CSMD1: variants seen among roughly 807,000 people sequenced by gnomAD.
CSMD1 encodes the protein CUB and sushi domain-containing protein 1.
A neutral mutation model predicts 417.5 loss-of-function variants in CSMD1; 213 were observed. The ratio of observed to expected loss-of-function variants is 0.51; its 90% CI spans 0.46 to 0.57. CSMD1 has a LOEUF of 0.57. Ranked by LOEUF, CSMD1 falls within the 20% of genes least tolerant of loss-of-function variation. The probability of loss-of-function intolerance (pLI) is 0.00; values close to 1 mark genes in which losing one functional copy is unlikely to be tolerated. For missense variants in CSMD1, 6,923 were observed against 4,529.7 expected, an observed-to-expected ratio of 1.53 and a Z score of -15.17; for synonymous variants, 2,862 against 1,736.8, an observed-to-expected ratio of 1.65 and a Z score of -16.11.
chr8:4,288,136 A>G (rs1347063018), intron 3 of CSMD1, among the ~76,000 whole-genome samples: 6 of 152,146 alleles, frequency 3.9e-5, no homozygotes, highest in African/African-American at 1.4e-4. Flanking sequence ...CTGCAGCATT[A>G]AAGTTTGACT....
intron 54 of CSMD1, among the ~76,000 whole-genome samples, chr8:2,986,141 A>C (rs145995361): frequency 0.014 from 2,190 of 152,294 alleles, 19 homozygotes; most frequent in Non-Finnish European, 0.022. Context: ...GAAATACGTT[A>C]TAATTTATTG....
chr8:3,044,290 T>G (rs1204379325), intron 50 of CSMD1, among the ~76,000 whole-genome samples: 1 of 152,182 alleles, frequency 6.6e-6, no homozygotes, highest in African/African-American at 2.4e-5. Context: ...ATTTATTTAT[T>G]TTCTTGTTGC....
chr8:4,469,814 A>G lies in CSMD1; in HGVS notation c.303-49749T>C, dbSNP rs369363681. Reference sequence around the variant, plus strand: ...TGCTTACAGCCTTCTCACGGAGGGAACCCAAAGTCCTTAAAATGACTCGCA... The same window carrying G: ...TGCTTACAGCCTTCTCACGGAGGGAGCCCAAAGTCCTTAAAATGACTCGCA... On this transcript the variant is annotated intron_variant, in intron 2 of 69. Coordinates refer to ENST00000635120, the MANE Select transcript of CSMD1 (RefSeq NM_033225.6). Among the ~76,000 whole-genome samples the G allele has an allele frequency of 3.0e-4, 46 of 151,868 alleles. No homozygotes were observed. In the Middle Eastern group the frequency reaches 0.01, roughly 34 times the overall value.
chr8:4,185,246 T>G (rs1313093893), intron 3 of CSMD1, among the ~76,000 whole-genome samples: 1 of 151,988 alleles, frequency 6.6e-6, no homozygotes, highest in Non-Finnish European at 1.5e-5. Flanking sequence ...CTTTGAATCC[T>G]GGCCCTACCC....
At chr8:4,074,268 A>G (rs986657596) in intron 3 of CSMD1, among the ~76,000 whole-genome samples, 1 of 152,108 alleles carries the variant, frequency 6.6e-6, no homozygotes, top group Non-Finnish European at 1.5e-5. Flanking sequence ...TTTCATAAAG[A>G]AAGTCATGAA....
At chr8:3,458,177 T>C (rs781760450) in intron 12 of CSMD1, among the ~76,000 whole-genome samples, 1 of 152,128 alleles carries the variant, frequency 6.6e-6, no homozygotes, top group Non-Finnish European at 1.5e-5. Flanking sequence ...TGAGGATACA[T>C]GTTGGGAAGG....
chr8:3,259,487 G>C (rs1248413742), intron 26 of CSMD1, among the ~76,000 whole-genome samples: 1 of 152,176 alleles, frequency 6.6e-6, no homozygotes, highest in Admixed American at 6.5e-5. Flanking sequence ...CAAAAGAATT[G>C]AAATTTTCAG....
chr8:4,791,011 C>T (rs1472982762), intron 1 of CSMD1, among the ~76,000 whole-genome samples: 1 of 152,024 alleles, frequency 6.6e-6, no homozygotes, highest in African/African-American at 2.4e-5. Flanking sequence ...AAGTTCTGCA[C>T]TGCAAAATAA....
intron 6 of CSMD1, among the ~76,000 whole-genome samples, chr8:3,725,489 G>C (rs986437161): frequency 6.6e-6 from 1 of 152,142 alleles, no homozygotes; most frequent in African/African-American, 2.4e-5. Flanking sequence ...CTGATTTTGT[G>C]GGTGATATGA....
intron 5 of CSMD1, among the ~76,000 whole-genome samples, chr8:3,867,713 T>C (rs1805198965): frequency 6.6e-6 from 1 of 152,144 alleles, no homozygotes; most frequent in South Asian, 2.1e-4. Context: ...CATGCAGTTG[T>C]TAATAATAAT....
chr8:3,510,015 A>T (rs1478537693), intron 10 of CSMD1, among the ~76,000 whole-genome samples: 3 of 152,230 alleles, frequency 2.0e-5, no homozygotes, highest in Non-Finnish European at 4.4e-5. Context: ...TGACGTATAC[A>T]AGTCGCGTAT....
rs1448871237 is a variant in CSMD1, at chr8:3,565,776, C to T, written c.1344+9169G>A. Among the ~76,000 whole-genome samples the T allele has an allele frequency of 2.6e-5, 4 of 152,014 alleles. No homozygotes were observed. In the East Asian group the frequency reaches 7.7e-4, roughly 29 times the overall value. ...ACGTGTAGTGTAAAAACACAAATTG[C>T]TGTGACTAATTACATAACCCTGAGA... is the stretch of plus-strand genomic sequence containing the variant. On this transcript the variant is annotated intron_variant, in intron 10 of 69. Coordinates refer to ENST00000635120, the MANE Select transcript of CSMD1 (RefSeq NM_033225.6).
intron 5 of CSMD1, among the ~76,000 whole-genome samples, chr8:3,867,836 C>G (rs1157975630): frequency 6.6e-6 from 1 of 152,068 alleles, no homozygotes; most frequent in East Asian, 1.9e-4. Context: ...TCTAGGCCTC[C>G]ATTTCCAGGA....
chr8:3,403,573 A>G (rs1812169262), intron 15 of CSMD1, among the ~76,000 whole-genome samples: 1 of 152,118 alleles, frequency 6.6e-6, no homozygotes, highest in Non-Finnish European at 1.5e-5. Flanking sequence ...TGTGGTCCAC[A>G]CTCACCCTGC....
In CSMD1 at chr8:3,348,161, G is replaced by C. The variant is rs745324323; in HGVS notation, c.3305C>G (p.Ala1102Gly). The change falls in exon 22 of 70, where the codon GCC (alanine) becomes GGC (glycine). Residue 1102 changes from alanine to glycine, a missense_variant and splice_region_variant. Coordinates refer to ENST00000635120, the MANE Select transcript of CSMD1 (RefSeq NM_033225.6). ...TCCTTTGACACTTGCTCCACATTCG[G>C]CTACAATAAATAGGACATGAGAGAA... is the stretch of plus-strand genomic sequence containing the variant. ...VWSAPLPRCV[A>G]ECGASVKGNE... 1.9e-6 allele frequency: 3 copies of C among 1,610,364 alleles called. No individual in the cohort carries two copies. Among genetic ancestry groups the C allele is most frequent in the African/African-American group, 1.3e-5 (1 of 74,856 alleles).
intron 3 of CSMD1, among the ~76,000 whole-genome samples, chr8:4,329,631 C>G (rs1799757146): frequency 2.0e-5 from 3 of 152,100 alleles, no homozygotes; most frequent in South Asian, 4.2e-4. Flanking sequence ...CATGTATGCC[C>G]AAACCTCAGT....
intron 3 of CSMD1, among the ~76,000 whole-genome samples, chr8:4,299,403 T>C (rs1797861394): frequency 6.6e-6 from 1 of 152,300 alleles, no homozygotes; most frequent in Non-Finnish European, 1.5e-5. Context: ...CGTCTCAACA[T>C]GAGAGAGGTG....
At chr8:3,295,592 C>A (rs1302563848) in intron 25 of CSMD1, among the ~76,000 whole-genome samples, 3 of 152,076 alleles carry the variant, frequency 2.0e-5, no homozygotes, top group Non-Finnish European at 4.4e-5. Flanking sequence ...CTGTATATTC[C>A]ACTGTACTGA....
chr8:4,267,878 A>G (rs114650106), intron 3 of CSMD1, among the ~76,000 whole-genome samples: 90 of 152,156 alleles, frequency 5.9e-4, no homozygotes, highest in African/African-American at 2.1e-3. Flanking sequence ...TTGTGATTAA[A>G]TTTTTTTTAA....
Sources: allele counts gnomAD v4.1 joint callset (sites outside exome capture counted in the v4.1 genomes callset), GRCh38; gene constraint gnomAD v4.1.1; transcripts MANE v1.5; gene names NCBI Gene and HGNC (gene_info 2026-07-23, HGNC 2026-07-21).